Variants in KIAA1755 observed in about 807,000 individuals in gnomAD.
KIAA1755 encodes the protein KIAA1755, also known as uncharacterized protein KIAA1755.
KIAA1755 carries 68 observed loss-of-function variants against 91.7 expected under a neutral mutation model. The ratio of observed to expected loss-of-function variants is 0.74; its 90% CI spans 0.61 to 0.91. The LOEUF (loss-of-function observed/expected upper bound fraction) is 0.91. Among genes scored for constraint, KIAA1755 ranks in the 40% least tolerant of loss-of-function variants. KIAA1755 has a pLI of 0.00. For synonymous variants in KIAA1755, 610 were observed against 604.6 expected (o/e 1.01, Z -0.13); for missense variants, 1,535 against 1,494.4 (o/e 1.03, Z -0.45).
intron 2 of KIAA1755, among the ~76,000 whole-genome samples, chr20:38,242,424 A>C (rs34163467): frequency 0.08 from 12,208 of 152,290 alleles, 597 homozygotes; most frequent in Middle Eastern, 0.13. Context: ...TATGAGGATT[A>C]AGTGAGATTA....
rs1434570182 is a variant in KIAA1755, at chr20:38,241,923, A to G, written c.208T>C (p.Tyr70His). The change falls in exon 3 of 14, where the codon TAC becomes CAC. Residue 70 changes from tyrosine (Y) to histidine (H), a missense_variant. Coordinates refer to ENST00000279024, the MANE Select transcript of KIAA1755 (RefSeq NM_001029864.2). Reference sequence around the variant, plus strand: ...TCGTGTAAGAAGAGGCAGTGTGAGTAGGGAGCCTGTGGAGAGAAGGGGATG... The same window carrying G: ...TCGTGTAAGAAGAGGCAGTGTGAGTGGGGAGCCTGTGGAGAGAAGGGGATG... Reference protein sequence around the residue: ...EQVREAACAPYSHCLFLHEGW... With the variant: ...EQVREAACAPHSHCLFLHEGW... 6.2e-7 allele frequency: 1 copy of G among 1,611,158 alleles called. No individual in the cohort carries two copies. The highest frequency in any genetic ancestry group is 8.5e-7 in the Non-Finnish European group (1 of 1,178,586).
intron 11 of KIAA1755, 92 bp from the exon 12 acceptor site, chr20:38,218,458 G>A (rs1224165513): frequency 1.3e-6 from 2 of 1,526,124 alleles, no homozygotes; most frequent in East Asian, 2.3e-5. Context: ...GAGGTCTTCT[G>A]TCTTCACTCA....
rs569990901 is a variant in KIAA1755, at chr20:38,222,519, G to A, written c.2347C>T (p.Arg783Trp). Residue 783 changes from arginine to tryptophan, a missense_variant, in exon 10 of 14, where the codon CGG (arginine) becomes TGG (tryptophan). Coordinates refer to ENST00000279024, the MANE Select transcript of KIAA1755 (RefSeq NM_001029864.2). The stretch of plus-strand genomic sequence containing the variant: ...CTGGCCAGGGTGGCTCCACCTTCCC[G>A]CTGGAGGCCCAGTAGGCCGGGGTCC... ...LRDPGLLGLQ[R>W]EGGATLARLQ... The A allele has an allele frequency of 1.6e-5, 26 of 1,613,616 alleles. No homozygotes were observed. The highest frequency in any genetic ancestry group is 1.1e-4 in the South Asian group (10 of 91,078).
chr20:38,211,766 TG>T lies in KIAA1755; in HGVS notation c.*1275del, dbSNP rs1428195589. 3 of 152,334 alleles carry T rather than the reference TG, an allele frequency of 2.0e-5. No individual in the cohort carries two copies. The highest frequency in any genetic ancestry group is 3.9e-4 in the East Asian group (2 of 5,182). The allele number at this position is 152,334 out of a possible 1,614,324, so 9.4% of individuals were successfully genotyped here. The stretch of plus-strand genomic sequence containing the variant: ...TTGAGAATGAAGGTCCCATGCCTGC[TG>T]AAGAGGCCTTGTGAGACAGGGAGCA... On this transcript the variant is annotated 3_prime_UTR_variant, in exon 14 of 14. Coordinates refer to ENST00000279024, the MANE Select transcript of KIAA1755 (RefSeq NM_001029864.2).
rs890345034 is a variant in KIAA1755 at position 38,240,777 on chromosome 20, T to G, written c.1354A>C (p.Lys452Gln). 5 of 1,604,916 alleles carry G rather than the reference T, an allele frequency of 3.1e-6. No homozygotes were observed. The highest frequency in any genetic ancestry group is 3.4e-5 in the Admixed American group (2 of 59,170). Residue 452 changes from lysine (K) to glutamine (Q), a missense_variant, in exon 3 of 14, where the codon AAG becomes CAG. Physicochemically the swap from Lys to Gln is moderately conservative, Grantham distance 53. Transcript: ENST00000279024. ...KTKERNGRLP[K>Q]PMPCPSRNTS... The stretch of plus-strand genomic sequence containing the variant: ...TTTCTGCTAGGGCAGGGCATGGGCT[T>G]GGGAAGTCTCCCATTTCTCTCTTTG...
intron 11 of KIAA1755, 51 bp downstream of exon 11, chr20:38,219,579 G>T: frequency 1.2e-6 from 2 of 1,607,220 alleles, no homozygotes; most frequent in Non-Finnish European, 8.5e-7. Flanking sequence ...GCTTTCCTGT[G>T]GAATGTGGCC....
Position 38,228,179 on chromosome 20 carries a change from G to A in KIAA1755, c.1933C>T (p.Pro645Ser). The change falls in exon 6 of 14, where the codon CCC (proline) becomes TCC (serine). Residue 645 changes from proline to serine, a missense_variant. Coordinates refer to ENST00000279024, the MANE Select transcript of KIAA1755 (RefSeq NM_001029864.2). ...LIDARRQPPQ[P>S]GLVSALQATQ... ...GCCTGCAGGGCGCTGACCAGACCGGGCTGTGGGGGCTGTCTCCTGGCGTCA... is the reference window on the plus strand; with the variant it reads ...GCCTGCAGGGCGCTGACCAGACCGGACTGTGGGGGCTGTCTCCTGGCGTCA... The A allele has an allele frequency of 1.2e-6, 2 of 1,605,328 alleles. No individual in the cohort carries two copies. The highest frequency in any genetic ancestry group is 1.7e-6 in the Non-Finnish European group (2 of 1,176,446).
At chr20:38,230,828 C>T (rs1483512700) in intron 5 of KIAA1755, among the ~76,000 whole-genome samples, 1 of 150,416 alleles carries the variant, frequency 6.6e-6, no homozygotes, top group Non-Finnish European at 1.5e-5. Context: ...GCGGAGATTG[C>T]AGTGAGCTGA....
At chr20:38,253,326 G>A (rs1259984209) in intron 1 of KIAA1755, among the ~76,000 whole-genome samples, 2 of 152,220 alleles carry the variant, frequency 1.3e-5, no homozygotes, top group Non-Finnish European at 2.9e-5. Flanking sequence ...GAGTAGGGGC[G>A]TGCGTATACT....
intron 13 of KIAA1755, among the ~76,000 whole-genome samples, chr20:38,216,501 C>A (rs2075545669): frequency 2.6e-5 from 4 of 152,214 alleles, no homozygotes; most frequent in African/African-American, 7.2e-5. Context: ...GTGCAAGGGG[C>A]AGCCAAGGGC....
chr20:38,230,933 G>C (rs1205417), intron 5 of KIAA1755, among the ~76,000 whole-genome samples: 52,554 of 151,566 alleles, frequency 0.35, 9,207 homozygotes, highest in Middle Eastern at 0.52. Flanking sequence ...AAACATCACT[G>C]TTTTCTTCAT....
At chr20:38,254,188 C>G (rs566309537) in intron 1 of KIAA1755, among the ~76,000 whole-genome samples, 1 of 152,298 alleles carries the variant, frequency 6.6e-6, no homozygotes, top group South Asian at 2.1e-4. Context: ...CCCAGCTGGA[C>G]TGAGCTTTTC....
chr20:38,240,861 G>T lies in KIAA1755; in HGVS notation c.1270C>A (p.Arg424Ser). ...RPGPRQASSPRLSPASPAAAA... is the reference protein window; with the variant it reads ...RPGPRQASSPSLSPASPAAAA... ...GCTGCAGGAGAAGCTGGGGACAGGC[G>T]GGGAGAGGAGGCTTGTCTTGGTCCA... Residue 424 changes from arginine to serine, a missense_variant, in exon 3 of 14, where the codon CGC becomes AGC. Arg to Ser is a moderately radical substitution (Grantham distance 110). Coordinates refer to ENST00000279024, the MANE Select transcript of KIAA1755 (RefSeq NM_001029864.2). 1 of 1,614,030 alleles carries T rather than the reference G, an allele frequency of 6.2e-7. No individual in the cohort carries two copies. The highest frequency in any genetic ancestry group is 8.5e-7 in the Non-Finnish European group (1 of 1,180,020).
chr20:38,240,593 G>T lies in KIAA1755; in HGVS notation c.1538C>A (p.Ser513Tyr), dbSNP rs1475723519. Residue 513 changes from serine to tyrosine, a missense_variant, in exon 3 of 14, where the codon TCT (serine) becomes TAT (tyrosine). Transcript: ENST00000279024. ...TGTGGGCATCTTACCTTTCCCCAAA[G>T]ATTTGGCTCGGTTGGGTTTAGGAGA... ...LYSPKPNRAKSLGKAGTTQTK... is the reference protein window; with the variant it reads ...LYSPKPNRAKYLGKAGTTQTK... The T allele has an allele frequency of 1.3e-6, 2 of 1,487,278 alleles. No homozygotes were observed. The highest frequency in any genetic ancestry group is 2.3e-5 in the East Asian group (1 of 42,780). 92.1% of individuals were successfully genotyped at this position (1,487,278 alleles called of 1,614,324 possible). A position where few individuals can be genotyped will look rare whatever the true frequency, so the allele number is the denominator to read the frequency against.
In KIAA1755 at chr20:38,260,671, G is replaced by A. The variant is rs967126083; in HGVS notation, c.-171C>T. 15 of 651,534 alleles carry A rather than the reference G, an allele frequency of 2.3e-5. No individual in the cohort carries two copies. In the Admixed American group the frequency reaches 2.7e-4, roughly 12 times the overall value. 40.4% of individuals were successfully genotyped at this position (651,534 alleles called of 1,614,324 possible). A position where few individuals can be genotyped will look rare whatever the true frequency, so the allele number is the denominator to read the frequency against. ...GCGTCATCTCGGAGGAGCGGCCGGG[G>A]AGGACAGGGAGAGAGACTGAGAGAG... On this transcript the variant is annotated 5_prime_UTR_variant, in exon 1 of 14. Coordinates refer to ENST00000279024, the MANE Select transcript of KIAA1755 (RefSeq NM_001029864.2).
At position 38,212,421 on chromosome 20, in the gene KIAA1755, C is replaced by T. The variant is rs991283076; in HGVS notation, c.*621G>A. 6 of 152,102 alleles carry T rather than the reference C, an allele frequency of 3.9e-5. No homozygotes were observed. The highest frequency in any genetic ancestry group is 7.3e-5 in the Non-Finnish European group (5 of 68,048). The allele number at this position is 152,102 out of a possible 1,614,324, so 9.4% of individuals were successfully genotyped here. On this transcript the variant is annotated 3_prime_UTR_variant, in exon 14 of 14. Coordinates refer to ENST00000279024, the MANE Select transcript of KIAA1755 (RefSeq NM_001029864.2). The stretch of plus-strand genomic sequence containing the variant: ...CAGCCTGGGCAATGTAGTGAGGCCC[C>T]ATCTCTAAACATAAAATACAATGAA...
At chr20:38,231,172 T>A (rs775673493) in intron 5 of KIAA1755, 30 bp downstream of exon 5, 2 of 1,598,640 alleles carry the variant, frequency 1.3e-6, no homozygotes, top group Non-Finnish European at 8.5e-7. Context: ...GAGGTGGGGA[T>A]GGAGCAGTCA....
chr20:38,228,758 G>C (rs1296665403), intron 5 of KIAA1755, among the ~76,000 whole-genome samples: 1 of 152,138 alleles, frequency 6.6e-6, no homozygotes, highest in Non-Finnish European at 1.5e-5. Flanking sequence ...TTCTGGGAAA[G>C]ACATTCCCTC....
intron 5 of KIAA1755, among the ~76,000 whole-genome samples, chr20:38,230,136 G>T (rs955212194): frequency 1.3e-5 from 2 of 152,162 alleles, no homozygotes; most frequent in Non-Finnish European, 1.5e-5. Context: ...AAAAGAGGGC[G>T]CCTCTTCCCC....
Sources: allele counts gnomAD v4.1 joint callset (sites outside exome capture counted in the v4.1 genomes callset), GRCh38; gene constraint gnomAD v4.1.1; transcripts MANE v1.5; gene names NCBI Gene and HGNC (gene_info 2026-07-23, HGNC 2026-07-21).